The following AGBL1 variants were observed in gnomAD, a reference collection of about 807,000 sequenced individuals.
AGBL1 encodes the protein cytosolic carboxypeptidase 4.
A neutral mutation model predicts 118.9 loss-of-function variants in AGBL1; 130 were observed. The observed-to-expected ratio is 1.09, with a 90% confidence interval of 0.95 to 1.26. The LOEUF (loss-of-function observed/expected upper bound fraction) is 1.26. Ranked by LOEUF, AGBL1 falls within the 50% of genes most tolerant of loss-of-function variation. The pLI, the probability that AGBL1 is intolerant of heterozygous loss-of-function variation, is 0.00. For synonymous variants in AGBL1, 555 were observed against 478.9 expected (o/e 1.16, Z -2.08); for missense variants, 1,584 against 1,298.1 (o/e 1.22, Z -3.38).
intron 18 of AGBL1, among the ~76,000 whole-genome samples, chr15:86,465,487 C>T (rs537462796): frequency 3.3e-5 from 5 of 152,208 alleles, no homozygotes; most frequent in East Asian, 1.9e-4. Context: ...CCTGCGGGGC[C>T]GGGAAGAACA....
intron 7 of AGBL1, among the ~76,000 whole-genome samples, chr15:86,253,594 A>G (rs1422357836): frequency 6.6e-6 from 1 of 152,176 alleles, no homozygotes; most frequent in Non-Finnish European, 1.5e-5. Context: ...GACATGAATT[A>G]AAGGGATAGG....
At chr15:86,667,448 C>T (rs1476635667) in intron 21 of AGBL1, among the ~76,000 whole-genome samples, 1 of 152,180 alleles carries the variant, frequency 6.6e-6, no homozygotes, top group Admixed American at 6.6e-5. Flanking sequence ...ACACTACTAC[C>T]CAAAACATTT....
At chr15:86,335,002 T>C (rs1048794097) in intron 17 of AGBL1, among the ~76,000 whole-genome samples, 5 of 152,050 alleles carry the variant, frequency 3.3e-5, no homozygotes, top group Non-Finnish European at 5.9e-5. Context: ...GTAGACAAAT[T>C]AGGCAGCAGT....
intron 22 of AGBL1, among the ~76,000 whole-genome samples, chr15:86,772,140 T>A (rs1255363201): frequency 6.6e-6 from 1 of 152,012 alleles, no homozygotes; most frequent in Non-Finnish European, 1.5e-5. Context: ...CTTCAGCATC[T>A]CCTTGGGAAA....
At chr15:86,374,261 T>G (rs1235040468) in intron 17 of AGBL1, among the ~76,000 whole-genome samples, 1 of 152,254 alleles carries the variant, frequency 6.6e-6, no homozygotes, top group Admixed American at 6.5e-5. Context: ...ATTTGTATCT[T>G]AGTGAGGAAA....
At chr15:86,383,275 A>AAAAAAAT (rs544397935) in intron 17 of AGBL1, among the ~76,000 whole-genome samples, 1,350 of 118,788 alleles carry the variant, frequency 0.011, 86 homozygotes, top group Non-Finnish European at 0.016. Context: ...AAAAAAAAAA[A>AAAAAAAT]TCCTAATTGC....
chr15:86,205,372 T>G (rs1410193878), intron 5 of AGBL1, among the ~76,000 whole-genome samples: 1 of 152,254 alleles, frequency 6.6e-6, no homozygotes, highest in African/African-American at 2.4e-5. Flanking sequence ...AAATCTTAGT[T>G]GCTTCCAAGT....
chr15:86,143,749 C>T lies in AGBL1; in HGVS notation c.166C>T (p.Leu56Phe), dbSNP rs368998211. The T allele has an allele frequency of 1.4e-5, 23 of 1,613,822 alleles. No homozygotes were observed. The highest frequency in any genetic ancestry group is 1.7e-5 in the Non-Finnish European group (20 of 1,179,824). The change falls in exon 3 of 23, where the codon CTT becomes TTT. Residue 56 changes from leucine to phenylalanine, a missense_variant. By Grantham distance (22) the Leu-to-Phe change is conservative (BLOSUM62 0). Coordinates refer to ENST00000614907, the MANE Select transcript of AGBL1 (RefSeq NM_001386094.1). ...YMISKGGSEA[L>F]LQTLVDTART... is the part of the protein sequence containing the mutation. ...GATCAGCAAGGGTGGCAGTGAAGCT[C>T]TTCTGCAGACCCTGGTAGACACAGC...
chr15:86,894,868 C>G (rs1003625721), intron 22 of AGBL1, among the ~76,000 whole-genome samples: 2 of 152,134 alleles, frequency 1.3e-5, no homozygotes, highest in African/African-American at 4.8e-5. Flanking sequence ...GCTTTACCTT[C>G]AAGATAGAAA....
intron 24 of AGBL1, among the ~76,000 whole-genome samples, chr15:87,004,352 C>G (rs908696867): frequency 5.3e-5 from 8 of 152,136 alleles, no homozygotes; most frequent in African/African-American, 1.4e-4. Flanking sequence ...TAAGGACTTT[C>G]TTTATGAATC....
At chr15:86,119,600 A>AC (rs1233914877) in intron 1 of AGBL1, among the ~76,000 whole-genome samples, 2 of 151,928 alleles carry the variant, frequency 1.3e-5, no homozygotes, top group Non-Finnish European at 2.9e-5. Flanking sequence ...AACATGATGG[A>AC]CCCCACAATG....
rs2076970049 is a variant in AGBL1, at chr15:86,142,026, T to C, written c.74T>C (p.Ile25Thr). 1 of 1,550,232 alleles carries C rather than the reference T, an allele frequency of 6.5e-7. No homozygotes were observed. The highest frequency in any genetic ancestry group is 8.7e-7 in the Non-Finnish European group (1 of 1,146,822). ...CAGAGCTCCTCTGACAAGGAGTCCATCCTGACCATCCTCAAGGTCCTCGGA... is the reference window on the plus strand; with the variant it reads ...CAGAGCTCCTCTGACAAGGAGTCCACCCTGACCATCCTCAAGGTCCTCGGA... Reference protein sequence around the residue: ...TLQSSSDKESILTILKVLGDL... With the variant: ...TLQSSSDKESTLTILKVLGDL... Residue 25 changes from isoleucine (I) to threonine (T), a missense_variant, in exon 2 of 23, where the codon ATC becomes ACC. Coordinates refer to ENST00000614907, the MANE Select transcript of AGBL1 (RefSeq NM_001386094.1).
chr15:86,760,921 G>A (rs916929635), intron 22 of AGBL1, among the ~76,000 whole-genome samples: 1 of 152,052 alleles, frequency 6.6e-6, no homozygotes, highest in Admixed American at 6.6e-5. Context: ...AAACTGAACT[G>A]GTTCATGGTC....
chr15:86,942,765 A>G (rs1165188886), intron 23 of AGBL1, among the ~76,000 whole-genome samples: 1 of 152,166 alleles, frequency 6.6e-6, no homozygotes, highest in Non-Finnish European at 1.5e-5. Flanking sequence ...GCAAGGACCC[A>G]ATTTTCTGGA....
intron 23 of AGBL1, among the ~76,000 whole-genome samples, chr15:86,961,521 C>A (rs1293164947): frequency 6.6e-6 from 1 of 152,024 alleles, no homozygotes; most frequent in African/African-American, 2.4e-5. Flanking sequence ...AGGTTACACA[C>A]AGGGGAGAGG....
intron 23 of AGBL1, among the ~76,000 whole-genome samples, chr15:86,938,346 G>T (rs532542839): frequency 2.6e-5 from 4 of 152,074 alleles, no homozygotes; most frequent in Non-Finnish European, 4.4e-5. Context: ...CAGTAACCTC[G>T]CTGTGACCAG....
intron 18 of AGBL1, among the ~76,000 whole-genome samples, chr15:86,476,405 A>C (rs1214500609): frequency 6.6e-6 from 1 of 152,208 alleles, no homozygotes; most frequent in Admixed American, 6.5e-5. Context: ...GAAAATGGAA[A>C]ACAAAAAAAG....
intron 22 of AGBL1, among the ~76,000 whole-genome samples, chr15:86,804,800 C>G (rs966406024): frequency 2.0e-5 from 3 of 152,060 alleles, no homozygotes; most frequent in African/African-American, 7.2e-5. Context: ...AGGAAAGCCA[C>G]AGAGGATTTT....
intron 22 of AGBL1, among the ~76,000 whole-genome samples, chr15:86,820,232 G>A (rs1191865713): frequency 6.6e-6 from 1 of 152,146 alleles, no homozygotes; most frequent in Non-Finnish European, 1.5e-5. Context: ...ATAGGCATGG[G>A]CAAAGACTTC....
Sources: gnomAD v4.1 joint callset for allele counts (sites outside exome capture counted in the v4.1 genomes callset) on GRCh38, gnomAD v4.1.1 for gene constraint, MANE v1.5 for transcripts, NCBI Gene and HGNC (gene_info 2026-07-23, HGNC 2026-07-21) for gene names.